The following POLR2F variants were observed in gnomAD, a reference collection of about 807,000 sequenced individuals.
POLR2F encodes the protein RNA polymerase II, I and III subunit F.
Under a neutral mutation model 22.7 loss-of-function variants are expected in POLR2F, and 12 were observed. The observed-to-expected ratio is 0.53, with a 90% confidence interval of 0.34 to 0.86. The LOEUF (loss-of-function observed/expected upper bound fraction) is 0.86. Among genes scored for constraint, POLR2F ranks in the 40% least tolerant of loss-of-function variants. POLR2F has a pLI of 0.02. For missense variants in POLR2F, 126 were observed against 171.5 expected, an observed-to-expected ratio of 0.73 and a Z score of 1.48; for synonymous variants, 57 against 66.0, an observed-to-expected ratio of 0.86 and a Z score of 0.66.
chr22:38,006,061 G>GA (rs1482733010), intron 1 of POLR2F, among the ~76,000 whole-genome samples: 2 of 151,772 alleles, frequency 1.3e-5, no homozygotes, highest in African/African-American at 2.4e-5. Flanking sequence ...CATCTCTATT[G>GA]AAAAAAAATA....
downstream of POLR2F, among the ~76,000 whole-genome samples, chr22:37,972,028 G>A (rs1455182064): frequency 6.7e-6 from 1 of 149,436 alleles, no homozygotes; most frequent in Non-Finnish European, 1.5e-5. Context: ...TTAGCAGGGA[G>A]AGAGACAGAA....
chr22:37,989,582 T>G, intron 1 of POLR2F, among the ~76,000 whole-genome samples: 1 of 152,228 alleles, frequency 6.6e-6, no homozygotes, highest in Admixed American at 6.5e-5. Context: ...AGGTGCCGGC[T>G]CAGCTGTGAG....
At chr22:38,039,259 T>G (rs961366836) in intron 5 of POLR2F, among the ~76,000 whole-genome samples, 8 of 152,090 alleles carry the variant, frequency 5.3e-5, no homozygotes, top group African/African-American at 1.9e-4. Flanking sequence ...TACCGGAATT[T>G]TTGGAAACTG....
At chr22:38,032,061 G>C (rs1414867218) in intron 5 of POLR2F, 1 of 151,898 alleles carries the variant, frequency 6.6e-6, no homozygotes, top group Non-Finnish European at 1.5e-5. Context: ...ACAATGGCGC[G>C]ATCTTGGCTC....
chr22:37,981,294 A>G (rs1356258430), upstream of POLR2F, among the ~76,000 whole-genome samples: 2 of 152,144 alleles, frequency 1.3e-5, no homozygotes, highest in African/African-American at 4.8e-5. Flanking sequence ...CCCAAATCCA[A>G]ATGTCTCTCA....
At chr22:38,021,648 G>T (rs2084961086) in intron 1 of POLR2F, among the ~76,000 whole-genome samples, 1 of 151,898 alleles carries the variant, frequency 6.6e-6, no homozygotes, top group Admixed American at 6.6e-5. Flanking sequence ...ATAGAGATGG[G>T]GTTTCACCAT....
At chr22:37,956,117 T>C (rs1278331133) in intron 1 of POLR2F, among the ~76,000 whole-genome samples, 10 of 151,872 alleles carry the variant, frequency 6.6e-5, no homozygotes, top group Non-Finnish European at 1.5e-5. Context: ...GAGACGGAGT[T>C]TCACTCTTGT....
chr22:37,973,604 G>A (rs765287714), downstream of POLR2F: 14 of 1,612,904 alleles, frequency 8.7e-6, no homozygotes, highest in South Asian at 3.3e-5. Context: ...GGGCCGCTGC[G>A]AGGGCCCCAT....
At position 38,015,642 on chromosome 22, in the gene POLR2F, G is replaced by C. The variant is rs1488049083; in HGVS notation, c.121-10227G>C. Among the ~76,000 whole-genome samples the C allele has an allele frequency of 2.6e-5, 4 of 152,290 alleles. No homozygotes were observed. The East Asian group carries it at 7.7e-4, about 29-fold the overall frequency. ...CCCGGCTCTGTAAATGCAGCTATGT[G>C]ACCTGAGAGGTGTCCCAGCCTCAGC... On this transcript the variant is annotated intron_variant, in intron 1 of 2. Transcript: ENST00000333418.
intron 1 of POLR2F, among the ~76,000 whole-genome samples, chr22:38,001,092 G>A (rs2084765022): frequency 6.6e-6 from 1 of 152,168 alleles, no homozygotes. Context: ...GGGGTTGAGA[G>A]AGGTTAGAGA....
chr22:37,964,909 C>T (rs551520827), intron 3 of POLR2F, among the ~76,000 whole-genome samples: 1 of 151,916 alleles, frequency 6.6e-6, no homozygotes, highest in Non-Finnish European at 1.5e-5. Flanking sequence ...AAGCTTGATC[C>T]AGCTCATTCC....
In POLR2F at chr22:37,959,439, C is replaced by G. The variant is rs776986562; in HGVS notation, c.184C>G (p.Arg62Gly). The change falls in exon 3 of 5, where the codon CGA (arginine) becomes GGA (glycine). Residue 62 changes from arginine to glycine, a missense_variant. Coordinates refer to ENST00000442738, the MANE Select transcript of POLR2F (RefSeq NM_021974.5). ...ITTPYMTKYE[R>G]ARVLGTRALQ... ...CACACCATACATGACCAAGTACGAG[C>G]GAGCCCGCGTGCTGGGCACCCGAGC... 1 of 1,614,014 alleles carries G rather than the reference C, an allele frequency of 6.2e-7. No homozygotes were observed. Among genetic ancestry groups the G allele is most frequent in the Non-Finnish European group, 8.5e-7 (1 of 1,179,970 alleles).
chr22:37,956,798 G>A lies in POLR2F; in HGVS notation c.46G>A (p.Val16Met), dbSNP rs760994888. ...TTTTGATGGCGACGACTTTGATGAT[G>A]TGGAGGAGGATGAAGGGCTAGATGA... Reference protein sequence around the residue: ...DNFDGDDFDDVEEDEGLDDLE... With the variant: ...DNFDGDDFDDMEEDEGLDDLE... Residue 16 changes from valine (V) to methionine (M), a missense_variant, in exon 2 of 5, where the codon GTG becomes ATG. Transcript: ENST00000442738. The A allele has an allele frequency of 1.5e-5, 25 of 1,613,936 alleles. No homozygotes were observed. Among genetic ancestry groups the A allele is most frequent in the Non-Finnish European group, 2.1e-5 (25 of 1,179,906 alleles).
intron 1 of POLR2F, among the ~76,000 whole-genome samples, chr22:38,001,802 G>A (rs868060460): frequency 6.6e-6 from 1 of 151,710 alleles, no homozygotes; most frequent in South Asian, 2.1e-4. Flanking sequence ...CCAAGTGCTG[G>A]GATTACAAGT....
chr22:37,955,212 T>G (rs1472197080), intron 1 of POLR2F, among the ~76,000 whole-genome samples: 2 of 151,146 alleles, frequency 1.3e-5, no homozygotes, highest in Non-Finnish European at 3.0e-5. Context: ...GGTTTTTTTT[T>G]TTTTTTTTTT....
chr22:37,986,174 C>T (rs781640780), upstream of POLR2F: 19 of 1,540,908 alleles, frequency 1.2e-5, no homozygotes, highest in African/African-American at 4.1e-5. The surrounding 1 kb of genome is among the most constrained non-coding windows in gnomAD (Gnocchi z 4.7). Flanking sequence ...GCCTCAGAAC[C>T]GCCCGGAGAG....
chr22:37,970,186 C>A (rs998109984), downstream of POLR2F, among the ~76,000 whole-genome samples: 11 of 151,050 alleles, frequency 7.3e-5, no homozygotes, highest in Admixed American at 7.3e-4. Flanking sequence ...CCCAGCTACT[C>A]GGGAGGCTGA....
chr22:37,955,834 C>T (rs1322381801), intron 1 of POLR2F, among the ~76,000 whole-genome samples: 1 of 151,586 alleles, frequency 6.6e-6, no homozygotes, highest in Non-Finnish European at 1.5e-5. Context: ...AGGCGCCCAC[C>T]ACCACACCCG....
At chr22:37,963,300 A>G (rs1931723681) in intron 3 of POLR2F, among the ~76,000 whole-genome samples, 1 of 148,566 alleles carries the variant, frequency 6.7e-6, no homozygotes, top group Non-Finnish European at 1.5e-5. Flanking sequence ...CTTTTCTTTT[A>G]TTTTTTTAGA....
Sources: gnomAD v4.1 joint callset for allele counts (sites outside exome capture counted in the v4.1 genomes callset) on GRCh38, gnomAD v4.1.1 for gene constraint, Gnocchi (gnomAD v3.1) non-coding constraint, MANE v1.5 for transcripts, NCBI Gene and HGNC (gene_info 2026-07-23, HGNC 2026-07-21) for gene names.